AKR1C3: variants seen among roughly 807,000 people sequenced by gnomAD.
The protein encoded by AKR1C3 is aldo-keto reductase family 1 member C3, also known as 3-alpha hydroxysteroid dehydrogenase, type II.
AKR1C3 carries 48 observed loss-of-function variants against 43.6 expected under a neutral mutation model. That is an observed-to-expected ratio of 1.10 (90% confidence interval 0.87 to 1.40). The LOEUF is 1.40. AKR1C3 is among the 40% of genes most tolerant of loss of function. The pLI is 0.00. For synonymous variants in AKR1C3, 162 were observed against 139.6 expected (o/e 1.16, Z -1.13); for missense variants, 482 against 391.2 (o/e 1.23, Z -1.96).
chr10:5,078,455 A>G (rs532238300), intron 1 of AKR1C3, among the ~76,000 whole-genome samples: 1 of 152,256 alleles, frequency 6.6e-6, no homozygotes, highest in Admixed American at 6.5e-5. Context: ...AATAATAATA[A>G]CCATAATCAT....
chr10:5,105,219 C>CTTAATATATAATCTTGT (rs1206764341), intron 7 of AKR1C3: 4 of 153,174 alleles, frequency 2.6e-5, no homozygotes, highest in African/African-American at 1.0e-4. Context: ...ATCTATCAAA[C>CTTAATATATAATCTTGT]TTAATATATA....
intron 7 of AKR1C3, chr10:5,105,344 T>A: frequency 3.2e-6 from 1 of 308,698 alleles, no homozygotes; most frequent in Non-Finnish European, 6.0e-6. Flanking sequence ...CGCTGTTTCT[T>A]CTCCATTTTC....
intron 1 of AKR1C3, among the ~76,000 whole-genome samples, chr10:5,058,552 G>A (rs1290614244): frequency 3.3e-5 from 5 of 152,152 alleles, no homozygotes; most frequent in African/African-American, 1.2e-4. Context: ...GTTTTGGTTT[G>A]TTTTGTTTCT....
intron 7 of AKR1C3, among the ~76,000 whole-genome samples, chr10:5,103,956 TTAA>T (rs1172914533): frequency 1.3e-5 from 2 of 152,022 alleles, no homozygotes; most frequent in African/African-American, 4.8e-5. Flanking sequence ...ATATTATAGT[TTAA>T]TAAGATATAT....
chr10:5,095,867 A>G (rs565767572), intron 1 of AKR1C3, among the ~76,000 whole-genome samples: 2 of 149,240 alleles, frequency 1.3e-5, no homozygotes, highest in African/African-American at 5.2e-5. Flanking sequence ...TTAATAGACT[A>G]CTATTCACAG....
intron 8 of AKR1C3, among the ~76,000 whole-genome samples, chr10:5,106,991 AT>A (rs1317806208): frequency 6.6e-6 from 1 of 152,198 alleles, no homozygotes; most frequent in African/African-American, 2.4e-5. Context: ...TAAAAATGTA[AT>A]AAGTTGGTGT....
chr10:5,091,902 C>T (rs781952801), upstream of AKR1C3, among the ~76,000 whole-genome samples: 1 of 152,094 alleles, frequency 6.6e-6, no homozygotes, highest in Non-Finnish European at 1.5e-5. Context: ...CTTCATACTT[C>T]TATATGGTTT....
rs573332160 is a variant in AKR1C3, at chr10:5,100,511, T to C, written c.570+1062T>C. On this transcript the variant is annotated intron_variant, in intron 5 of 8. Coordinates refer to ENST00000380554, the MANE Select transcript of AKR1C3 (RefSeq NM_003739.6). ...TTAGGGATAAGTCCTTTTTTCCCCC[T>C]GAGTTATTGTTAATGATTCCAGGCC... 4.6e-5 allele frequency among the ~76,000 whole-genome samples: 7 copies of C among 151,890 alleles called. No homozygotes were observed. In the East Asian group the frequency reaches 1.2e-3, roughly 25 times the overall value.
At chr10:5,092,607 T>C (rs964263623), upstream of AKR1C3, among the ~76,000 whole-genome samples, 7 of 152,040 alleles carry the variant, frequency 4.6e-5, no homozygotes, top group Non-Finnish European at 8.8e-5. Context: ...ACTTCAGTTA[T>C]ATCGTTCAGC....
chr10:5,101,798 C>G (rs1016468761), intron 5 of AKR1C3, among the ~76,000 whole-genome samples: 4 of 152,162 alleles, frequency 2.6e-5, no homozygotes, highest in African/African-American at 7.2e-5. Flanking sequence ...AGCCCAAAGG[C>G]TCTAAGAATC....
rs181267989 is a variant in AKR1C3, at chr10:5,075,320, G to A, written c.85-21090G>A. ...GCCTTTTGTTAGGTGAATTTTTAGT[G>A]AACTTAAGAAGGTAGAGAAAATTTT... is the stretch of plus-strand genomic sequence containing the variant. On this transcript the variant is annotated intron_variant, in intron 1 of 8. Coordinates refer to the AKR1C3 transcript ENST00000439082. 2.6e-3 allele frequency among the ~76,000 whole-genome samples: 391 copies of A among 152,132 alleles called. 4 individuals carry two copies. Among genetic ancestry groups the A allele is most frequent in the African/African-American group, 8.4e-3 (348 of 41,490 alleles).
intron 7 of AKR1C3, 62 bp downstream of exon 7, chr10:5,102,712 T>A: frequency 6.9e-7 from 1 of 1,458,794 alleles, no homozygotes; most frequent in South Asian, 1.5e-5. Flanking sequence ...GTGTGCTTCT[T>A]GTAAGGCTCT....
chr10:5,084,991 G>A lies in AKR1C3; in HGVS notation c.85-11419G>A, dbSNP rs1261732261. Among the ~76,000 whole-genome samples the A allele has an allele frequency of 1.1e-3, 166 of 152,254 alleles. 1 individual carries two copies. Among genetic ancestry groups the A allele is most frequent in the African/African-American group, 3.7e-3 (154 of 41,540 alleles). ...GGAGATTTTGGGCTGAGACAATGGGGTTTTCTAGATACACAATCATGTCAT... is the reference window on the plus strand; with the variant it reads ...GGAGATTTTGGGCTGAGACAATGGGATTTTCTAGATACACAATCATGTCAT... On this transcript the variant is annotated intron_variant, in intron 1 of 8. Transcript: ENST00000439082.
intron 5 of AKR1C3, 96 bp from the exon 6 acceptor site, chr10:5,102,005 A>T (rs1839363267): frequency 1.3e-6 from 1 of 772,826 alleles, no homozygotes; most frequent in Non-Finnish European, 2.2e-6. Flanking sequence ...ATATAATGCT[A>T]TACTGATTAT....
At chr10:5,095,482 TAA>T (rs567532151) in intron 1 of AKR1C3, among the ~76,000 whole-genome samples, 5 of 137,928 alleles carry the variant, frequency 3.6e-5, no homozygotes, top group Non-Finnish European at 4.8e-5. Context: ...AAAAAAGATT[TAA>T]AAAAAAAAAA....
At chr10:5,084,117 ATTGC>A (rs1404696940) in intron 1 of AKR1C3, among the ~76,000 whole-genome samples, 4 of 152,136 alleles carry the variant, frequency 2.6e-5, no homozygotes, top group African/African-American at 9.7e-5. Flanking sequence ...TTCTGTTGCC[ATTGC>A]TTTTGGTGTT....
intron 1 of AKR1C3, among the ~76,000 whole-genome samples, chr10:5,059,330 T>G (rs1218173455): frequency 6.6e-6 from 1 of 152,110 alleles, no homozygotes; most frequent in African/African-American, 2.4e-5. Flanking sequence ...AAGAGAAAGT[T>G]TCTCTGGCAA....
At chr10:5,099,211 G>A (rs1294162188) in intron 4 of AKR1C3, 116 bp from the exon 5 acceptor site, 1 of 1,529,450 alleles carries the variant, frequency 6.5e-7, no homozygotes, top group East Asian at 2.3e-5. Flanking sequence ...GACAATCACT[G>A]CTAGCTATTT....
In AKR1C3 at chr10:5,063,566, C is replaced by T. The variant is rs145144659; in HGVS notation, c.84+14671C>T. 1.9e-3 allele frequency among the ~76,000 whole-genome samples: 295 copies of T among 151,534 alleles called. 1 individual carries two copies. The highest frequency in any genetic ancestry group is 6.8e-3 in the African/African-American group (279 of 41,288). On this transcript the variant is annotated intron_variant, in intron 1 of 8. Transcript: ENST00000439082. ...ATCCCAGCATTTTGAGAGGCTGAGG[C>T]AGGCAGATCACTTGAGGCCAGAAGT...
Sources: allele counts gnomAD v4.1 joint callset (sites outside exome capture counted in the v4.1 genomes callset), GRCh38; gene constraint gnomAD v4.1.1; transcripts MANE v1.5; gene names NCBI Gene and HGNC (gene_info 2026-07-23, HGNC 2026-07-21).